Variants in DYNC1I1 observed in about 807,000 individuals in gnomAD.
DYNC1I1 encodes the protein dynein cytoplasmic 1 intermediate chain 1, also known as cytoplasmic dynein 1 intermediate chain 1.
A neutral mutation model predicts 86.6 loss-of-function variants in DYNC1I1; 43 were observed. That is an observed-to-expected ratio of 0.50 (90% CI 0.39 to 0.64). The LOEUF is 0.64. Ranked by LOEUF, DYNC1I1 falls within the 30% of genes least tolerant of loss-of-function variation. The pLI is 0.00. For missense variants in DYNC1I1, 604 were observed against 788.8 expected (o/e 0.77, Z 2.81); for synonymous variants, 262 against 283.7 (o/e 0.92, Z 0.77).
intron 6 of DYNC1I1, among the ~76,000 whole-genome samples, chr7:95,947,531 A>G (rs1408595806): frequency 3.9e-5 from 6 of 152,090 alleles, no homozygotes; most frequent in African/African-American, 1.2e-4. Flanking sequence ...TCTCCTAGAA[A>G]TGGAAGGTTT....
intron 7 of DYNC1I1, among the ~76,000 whole-genome samples, chr7:95,978,352 G>C (rs192283594): frequency 1.6e-4 from 25 of 152,290 alleles, no homozygotes; most frequent in Admixed American, 1.6e-3. Flanking sequence ...CACTGTGCCT[G>C]TAAGTAGAAA....
At chr7:95,856,482 G>T (rs1415129370) in intron 5 of DYNC1I1, among the ~76,000 whole-genome samples, 1 of 151,930 alleles carries the variant, frequency 6.6e-6, no homozygotes, top group Non-Finnish European at 1.5e-5. Context: ...TTCTATTAAT[G>T]AAAACATTTT....
At position 96,097,592 on chromosome 7, in the gene DYNC1I1, A is replaced by C; in HGVS notation, c.1886A>C (p.Ter629SerextTer3). 2 of 1,613,526 alleles carry C rather than the reference A, an allele frequency of 1.2e-6. No individual in the cohort carries two copies. Among genetic ancestry groups the C allele is most frequent in the Non-Finnish European group, 1.7e-6 (2 of 1,179,644 alleles). ...EEEGTVELSA* is the reference protein window; with the variant it reads ...EEEGTVELSAS ...GAAGGCACTGTTGAGTTATCTGCCT[A>C]GTGGAAATGAGCCACCCCCACTGCA... The change falls in exon 17 of 17, where the codon TAG (stop) becomes TCG (serine). Residue 629 changes from the stop codon to serine, a stop_lost. Coordinates refer to ENST00000447467, the MANE Select transcript of DYNC1I1 (RefSeq NM_001135556.2).
rs999880172 is a variant in DYNC1I1, at chr7:95,869,848, C to T, written c.375-35C>T. The T allele has an allele frequency of 3.2e-6, 5 of 1,575,390 alleles. No individual in the cohort carries two copies. The African/African-American group carries it at 6.8e-5, about 21-fold the overall frequency. On this transcript the variant is annotated intron_variant, in intron 5 of 16. Transcript: ENST00000447467. ...GATAGCTCTTCTGCAAGGAATGCCT[C>T]CCCTCTCTAAGCATTTATTCTTTGT...
At chr7:96,001,106 G>A (rs185949745) in intron 10 of DYNC1I1, among the ~76,000 whole-genome samples, 1 of 152,286 alleles carries the variant, frequency 6.6e-6, no homozygotes, top group Non-Finnish European at 1.5e-5. Flanking sequence ...CAGAACTCCA[G>A]CTGATTCTAT....
At chr7:95,809,574 A>T (rs1011078850) in intron 2 of DYNC1I1, among the ~76,000 whole-genome samples, 1 of 152,142 alleles carries the variant, frequency 6.6e-6, no homozygotes. Flanking sequence ...TGGAATTTTT[A>T]AATTTCCCCT....
intron 6 of DYNC1I1, among the ~76,000 whole-genome samples, chr7:95,961,832 C>T (rs897695155): frequency 1.3e-5 from 2 of 152,314 alleles, no homozygotes; most frequent in South Asian, 2.1e-4. Context: ...GCTCTCACTG[C>T]GCCATCAAAA....
chr7:95,838,268 G>A (rs1334149740), intron 5 of DYNC1I1, among the ~76,000 whole-genome samples: 2 of 152,058 alleles, frequency 1.3e-5, no homozygotes, highest in Non-Finnish European at 2.9e-5. Flanking sequence ...TGGATATTTA[G>A]TATTCCCAAC....
intron 6 of DYNC1I1, among the ~76,000 whole-genome samples, chr7:95,898,787 C>T (rs945085164): frequency 1.9e-4 from 29 of 152,194 alleles, no homozygotes; most frequent in Admixed American, 1.6e-3. Context: ...GTGAAAGAAA[C>T]GCTTTCATGA....
intron 14 of DYNC1I1, among the ~76,000 whole-genome samples, chr7:96,063,939 C>A (rs1246759387): frequency 1.3e-5 from 2 of 152,182 alleles, no homozygotes; most frequent in African/African-American, 2.4e-5. Flanking sequence ...CCAGAGGCAA[C>A]AGAACCTTGA....
intron 16 of DYNC1I1, among the ~76,000 whole-genome samples, chr7:96,107,869 GTTTTTTTTT>G (rs1178550637): frequency 8.4e-6 from 1 of 119,062 alleles, no homozygotes; most frequent in Non-Finnish European, 1.7e-5. Context: ...TCATTGACAG[GTTTTTTTTT>G]TTTTTTTTTT....
chr7:95,939,220 T>C (rs1028573087), intron 6 of DYNC1I1, among the ~76,000 whole-genome samples: 1 of 152,222 alleles, frequency 6.6e-6, no homozygotes, highest in Non-Finnish European at 1.5e-5. Flanking sequence ...CTTCCAACTA[T>C]GTGGTCAATT....
chr7:95,955,678 A>G (rs1333800512), intron 6 of DYNC1I1, among the ~76,000 whole-genome samples: 1 of 152,166 alleles, frequency 6.6e-6, no homozygotes, highest in Admixed American at 6.5e-5. Context: ...TTTCGGAAAC[A>G]CATTAACCAG....
chr7:95,888,282 A>G (rs1378426653), intron 6 of DYNC1I1, among the ~76,000 whole-genome samples: 1 of 152,122 alleles, frequency 6.6e-6, no homozygotes, highest in Non-Finnish European at 1.5e-5. Context: ...CAAAAAGTAC[A>G]AAAATCTAGC....
At chr7:95,910,906 C>T (rs1242157857) in intron 6 of DYNC1I1, among the ~76,000 whole-genome samples, 4 of 152,160 alleles carry the variant, frequency 2.6e-5, no homozygotes, top group African/African-American at 9.7e-5. Context: ...CCATCATCAT[C>T]TTTATCATCA....
downstream of DYNC1I1, among the ~76,000 whole-genome samples, chr7:96,099,867 A>G (rs1791101340): frequency 6.6e-6 from 1 of 152,160 alleles, no homozygotes; most frequent in Non-Finnish European, 1.5e-5. Flanking sequence ...TTCTTGGCAC[A>G]ATCAATCTTG....
At chr7:95,933,693 G>A (rs571964241) in intron 6 of DYNC1I1, among the ~76,000 whole-genome samples, 1 of 152,210 alleles carries the variant, frequency 6.6e-6, no homozygotes, top group East Asian at 1.9e-4. Flanking sequence ...ACACTGCACT[G>A]AAGGCAGTGA....
rs150337762 is a variant in DYNC1I1 at position 95,846,714 on chromosome 7, C to G, written c.374+18598C>G. 4.7e-5 allele frequency among the ~76,000 whole-genome samples: 7 copies of G among 149,784 alleles called. No individual in the cohort carries two copies. In the East Asian group the frequency reaches 1.4e-3, roughly 30 times the overall value. On this transcript the variant is annotated intron_variant, in intron 5 of 16. Coordinates refer to ENST00000447467, the MANE Select transcript of DYNC1I1 (RefSeq NM_001135556.2). ...GGTTCATGTCCTCAGTGTGGTGCCCCATGCTCACCATTCCTCCATGTGGTA... is the reference window on the plus strand; with the variant it reads ...GGTTCATGTCCTCAGTGTGGTGCCCGATGCTCACCATTCCTCCATGTGGTA...
At chr7:95,955,746 A>G (rs998682306) in intron 6 of DYNC1I1, among the ~76,000 whole-genome samples, 1 of 152,230 alleles carries the variant, frequency 6.6e-6, no homozygotes, top group Non-Finnish European at 1.5e-5. Flanking sequence ...AGCTCAATTC[A>G]GGAAAAAGCT....
Sources: gnomAD v4.1 joint callset for allele counts (sites outside exome capture counted in the v4.1 genomes callset) on GRCh38, gnomAD v4.1.1 for gene constraint, MANE v1.5 for transcripts, NCBI Gene and HGNC (gene_info 2026-07-23, HGNC 2026-07-21) for gene names.